The following PATJ variants were observed in gnomAD, a reference collection of about 807,000 sequenced individuals.
The protein encoded by PATJ is inaD-like protein.
A neutral mutation model predicts 224.9 loss-of-function variants in PATJ; 190 were observed. That is an observed-to-expected ratio of 0.84 (90% CI 0.75 to 0.95). The LOEUF (loss-of-function observed/expected upper bound fraction) is 0.95, where lower values mean the gene tolerates loss of function less well. Ranked by LOEUF, PATJ falls within the 40% of genes least tolerant of loss-of-function variation. PATJ has a pLI of 0.00. For synonymous variants in PATJ, 769 were observed against 820.3 expected, an observed-to-expected ratio of 0.94 and a Z score of 1.07; for missense variants, 2,121 against 2,270.3, an observed-to-expected ratio of 0.93 and a Z score of 1.34.
intron 7 of PATJ, among the ~76,000 whole-genome samples, chr1:61,782,110 A>G (rs1193638450): frequency 6.6e-6 from 1 of 152,206 alleles, no homozygotes; most frequent in Admixed American, 6.5e-5. Flanking sequence ...ACCTAGAGCC[A>G]TTTTTACCAG....
intron 27 of PATJ, among the ~76,000 whole-genome samples, chr1:61,944,273 T>C (rs1678314989): frequency 6.6e-6 from 1 of 151,946 alleles, no homozygotes; most frequent in South Asian, 2.1e-4. Flanking sequence ...ATAACAAACT[T>C]CTCCGAGCTA....
intron 1 of PATJ, among the ~76,000 whole-genome samples, chr1:61,749,819 C>G (rs1301289644): frequency 2.0e-5 from 3 of 152,006 alleles, no homozygotes; most frequent in Non-Finnish European, 4.4e-5. Flanking sequence ...GCTGGGAGTA[C>G]AGGTGTGTGC....
intron 6 of PATJ, among the ~76,000 whole-genome samples, chr1:61,773,798 C>A (rs1361864438): frequency 1.3e-5 from 2 of 148,668 alleles, no homozygotes; most frequent in East Asian, 2.0e-4. Flanking sequence ...AAACAAAAAA[C>A]AAAAAACAAA....
chr1:61,875,876 CA>C (rs1325760484), intron 21 of PATJ, among the ~76,000 whole-genome samples: 1 of 152,130 alleles, frequency 6.6e-6, no homozygotes, highest in Non-Finnish European at 1.5e-5. Flanking sequence ...TGCTGCCCCT[CA>C]ATATCGATTC....
intron 29 of PATJ, among the ~76,000 whole-genome samples, chr1:62,036,061 G>A (rs900627870): frequency 3.9e-5 from 6 of 152,124 alleles, no homozygotes; most frequent in Admixed American, 2.0e-4. Context: ...AAGCACTAGA[G>A]GGGGCCAGAG....
intron 29 of PATJ, among the ~76,000 whole-genome samples, chr1:62,028,563 G>A (rs1648505005): frequency 6.6e-6 from 1 of 151,974 alleles, no homozygotes; most frequent in Non-Finnish European, 1.5e-5. Context: ...AGGATTGCTT[G>A]AGCTCAGGAA....
intron 1 of PATJ, among the ~76,000 whole-genome samples, chr1:61,747,437 T>C (rs1462129674): frequency 6.6e-6 from 1 of 152,226 alleles, no homozygotes; most frequent in Non-Finnish European, 1.5e-5. Context: ...CATTTAATTC[T>C]GGTCCTCCAG....
chr1:61,934,455 G>A (rs1041369576), intron 27 of PATJ, among the ~76,000 whole-genome samples: 2 of 152,122 alleles, frequency 1.3e-5, no homozygotes, highest in Admixed American at 1.3e-4. Context: ...GTAATTACAC[G>A]GTAATAATCA....
chr1:61,916,685 G>A (rs1673496008), intron 26 of PATJ, among the ~76,000 whole-genome samples: 1 of 152,236 alleles, frequency 6.6e-6, no homozygotes, highest in African/African-American at 2.4e-5. Flanking sequence ...CAGGGGAATT[G>A]CAGTAGAGAA....
intron 27 of PATJ, among the ~76,000 whole-genome samples, chr1:61,966,686 CA>C (rs200855600): frequency 0.09 from 7,801 of 86,298 alleles, 611 homozygotes; most frequent in African/African-American, 0.29. Flanking sequence ...GACTTCATCT[CA>C]AAAAAAAAAA....
chr1:62,014,196 TACAGGC>T (rs1646630024), intron 28 of PATJ, among the ~76,000 whole-genome samples: 1 of 151,916 alleles, frequency 6.6e-6, no homozygotes, highest in African/African-American at 2.4e-5. Context: ...TAGCTGGAAT[TACAGGC>T]ACACATCACC....
chr1:61,771,857 C>T (rs1646631710), intron 6 of PATJ, among the ~76,000 whole-genome samples: 2 of 151,810 alleles, frequency 1.3e-5, no homozygotes, highest in Admixed American at 6.6e-5. Flanking sequence ...GTAGCTGGGA[C>T]TACAGGCGCC....
chr1:62,106,802 T>C (rs1459745210), intron 33 of PATJ, among the ~76,000 whole-genome samples: 5 of 152,170 alleles, frequency 3.3e-5, no homozygotes, highest in Non-Finnish European at 7.3e-5. Flanking sequence ...GAAGTCCTGC[T>C]GCTTGACTTC....
At chr1:62,128,544 C>T (rs1665953588) in intron 40 of PATJ, 1 of 370,782 alleles carries the variant, frequency 2.7e-6, no homozygotes, top group Admixed American at 4.0e-5. Context: ...TTGATGTGTA[C>T]ACTTCGCTTT....
chr1:61,909,335 A>G (rs950611572), intron 25 of PATJ, among the ~76,000 whole-genome samples: 1 of 152,330 alleles, frequency 6.6e-6, no homozygotes, highest in East Asian at 1.9e-4. Context: ...GAACTCTGAT[A>G]TGAAATGTCA....
chr1:61,843,131 G>A (rs1255656053), intron 17 of PATJ, among the ~76,000 whole-genome samples: 1 of 152,170 alleles, frequency 6.6e-6, no homozygotes, highest in African/African-American at 2.4e-5. Context: ...GTCTGTGAAT[G>A]ATGCTTGAAA....
At chr1:61,867,330 A>G (rs550896898) in intron 20 of PATJ, among the ~76,000 whole-genome samples, 1 of 152,310 alleles carries the variant, frequency 6.6e-6, no homozygotes, top group African/African-American at 2.4e-5. Flanking sequence ...TCTGATTACT[A>G]AATCTATGTT....
intron 27 of PATJ, among the ~76,000 whole-genome samples, chr1:61,947,648 T>G (rs1678954978): frequency 6.6e-6 from 1 of 152,196 alleles, no homozygotes; most frequent in African/African-American, 2.4e-5. Context: ...CCCAAGGTAA[T>G]TTATAGATTG....
intron 5 of PATJ, among the ~76,000 whole-genome samples, chr1:61,770,015 A>G (rs889828342): frequency 6.6e-6 from 1 of 152,020 alleles, no homozygotes; most frequent in African/African-American, 2.4e-5. Flanking sequence ...TTTGATTTCC[A>G]GTCTTTGGTT....
Sources: allele counts gnomAD v4.1 joint callset (sites outside exome capture counted in the v4.1 genomes callset), GRCh38; gene constraint gnomAD v4.1.1; transcripts MANE v1.5; gene names NCBI Gene and HGNC (gene_info 2026-07-23, HGNC 2026-07-21).